ANKRD28: variants seen among roughly 807,000 people sequenced by gnomAD.
The protein encoded by ANKRD28 is serine/threonine-protein phosphatase 6 regulatory ankyrin repeat subunit A.
ANKRD28 carries 44 observed loss-of-function variants against 126.5 expected under a neutral mutation model. The observed-to-expected ratio is 0.35, with a 90% CI of 0.27 to 0.45. The LOEUF is 0.45. Among genes scored for constraint, ANKRD28 ranks in the 20% least tolerant of loss-of-function variants. ANKRD28 has a pLI of 1.00. For missense variants in ANKRD28, 1,110 were observed against 1,316.6 expected, an observed-to-expected ratio of 0.84 and a Z score of 2.43; for synonymous variants, 442 against 468.5, an observed-to-expected ratio of 0.94 and a Z score of 0.73.
chr3:15,726,558 G>C (rs1020370025), intron 6 of ANKRD28, among the ~76,000 whole-genome samples: 1 of 152,222 alleles, frequency 6.6e-6, no homozygotes, highest in Non-Finnish European at 1.5e-5. Context: ...GTTTAATCCA[G>C]CAAAGGTTGA....
In ANKRD28 at chr3:15,679,393, G is replaced by A. The variant is rs1559319902; in HGVS notation, c.2478-9C>T. The A allele has an allele frequency of 2.5e-6, 4 of 1,613,678 alleles. No individual in the cohort carries two copies. The highest frequency in any genetic ancestry group is 3.4e-6 in the Non-Finnish European group (4 of 1,179,626). ...CTTCGTTGTCATTTATCCTGTGTAA[G>A]GTAACAAGGTGATCATTCTCACAGC... On this transcript the variant is annotated splice_polypyrimidine_tract_variant and intron_variant, in intron 22 of 27. Coordinates refer to ENST00000683139, the MANE Select transcript of ANKRD28 (RefSeq NM_001349278.2).
At chr3:15,688,830 T>C (rs1020602953) in intron 18 of ANKRD28, among the ~76,000 whole-genome samples, 1 of 152,194 alleles carries the variant, frequency 6.6e-6, no homozygotes, top group Non-Finnish European at 1.5e-5. Context: ...AATATCACAA[T>C]ATGGAATAGT....
Position 15,762,387 on chromosome 3 carries a change from C to T in ANKRD28, c.280+3847G>A, listed in dbSNP as rs184519003. On this transcript the variant is annotated intron_variant, in intron 3 of 27. Coordinates refer to ENST00000683139, the MANE Select transcript of ANKRD28 (RefSeq NM_001349278.2). ...TCTGTTATCCATAAATTACAGGAGC[C>T]CTTACTATTTCCTCAGGGGAGCAAA... Among the ~76,000 whole-genome samples, 7 of 152,090 alleles carry T rather than the reference C, an allele frequency of 4.6e-5. No individual in the cohort carries two copies. In the East Asian group the frequency reaches 1.4e-3, roughly 29 times the overall value.
chr3:15,669,079 T>C lies in ANKRD28; in HGVS notation c.*1191A>G, dbSNP rs2066135458. The C allele has an allele frequency of 6.6e-6, 1 of 152,304 alleles. No individual in the cohort carries two copies. The highest frequency in any genetic ancestry group is 2.1e-4 in the South Asian group (1 of 4,834). The allele number at this position is 152,304 out of a possible 1,614,324, so 9.4% of individuals were successfully genotyped here. The stretch of plus-strand genomic sequence containing the variant: ...GCAGGCAACTGCTTCTCTCTCCAAA[T>C]AGTAACAGGTTACAAACATGCTACT... On this transcript the variant is annotated 3_prime_UTR_variant, in exon 28 of 28. Transcript: ENST00000683139.
chr3:15,735,294 A>G (rs951097075), intron 6 of ANKRD28, 116 bp downstream of exon 6: 1 of 816,760 alleles, frequency 1.2e-6, no homozygotes, highest in African/African-American at 1.8e-5. Context: ...TCAAACTCAG[A>G]TACTGTGTAG....
At chr3:15,693,002 AC>A (rs2069002267) in intron 17 of ANKRD28, among the ~76,000 whole-genome samples, 1 of 152,212 alleles carries the variant, frequency 6.6e-6, no homozygotes, top group African/African-American at 2.4e-5. Context: ...GTCACACAAC[AC>A]AAAAAAATAC....
intron 15 of ANKRD28, 128 bp downstream of exon 15, chr3:15,696,006 G>T: frequency 3.0e-6 from 2 of 672,216 alleles, no homozygotes; most frequent in South Asian, 1.7e-5. Context: ...AATTTAAGAG[G>T]TATATAAATT....
In ANKRD28 at chr3:15,814,380, A is replaced by G; in HGVS notation, c.28-19074T>C. On this transcript the variant is annotated intron_variant, in intron 1 of 27. Transcript: ENST00000399451. The surrounding 1 kb of genome is among the most constrained non-coding windows in gnomAD (Gnocchi z 4.7). ...GAAATTAAGGGCTATGTTATTTATA[A>G]ATAACTAGTACCTTAACAAAACATT... is the stretch of plus-strand genomic sequence containing the variant. 1.3e-6 allele frequency: 1 copy of G among 761,062 alleles called. No homozygotes were observed. The highest frequency in any genetic ancestry group is 1.8e-6 in the Non-Finnish European group (1 of 550,364). 47.1% of individuals were successfully genotyped at this position (761,062 alleles called of 1,614,324 possible). A position where few individuals can be genotyped will look rare whatever the true frequency, so the allele number is the denominator to read the frequency against.
chr3:15,715,325 C>T (rs894215333), intron 8 of ANKRD28, among the ~76,000 whole-genome samples: 4 of 152,218 alleles, frequency 2.6e-5, no homozygotes, highest in South Asian at 2.1e-4. Context: ...GCTTCCTAAT[C>T]TCACAGCAAC....
At chr3:15,716,471 A>G (rs1439822081) in intron 8 of ANKRD28, among the ~76,000 whole-genome samples, 2 of 151,020 alleles carry the variant, frequency 1.3e-5, no homozygotes, top group East Asian at 4.0e-4. Context: ...TATTTTTTGT[A>G]GAGATGGTCT....
chr3:15,674,561 T>C (rs1451444210), intron 27 of ANKRD28, among the ~76,000 whole-genome samples: 5 of 152,296 alleles, frequency 3.3e-5, no homozygotes, highest in South Asian at 2.1e-4. Flanking sequence ...CACGTGGATA[T>C]ATAGAGACTG....
At chr3:15,803,246 T>C (rs1339038406) in intron 1 of ANKRD28, among the ~76,000 whole-genome samples, 1 of 152,220 alleles carries the variant, frequency 6.6e-6, no homozygotes, top group Non-Finnish European at 1.5e-5. Flanking sequence ...GTCAAAGGAC[T>C]AGTTAGGAGA....
chr3:15,701,805 TTCAG>T (rs1223664450), intron 14 of ANKRD28, among the ~76,000 whole-genome samples: 1 of 152,188 alleles, frequency 6.6e-6, no homozygotes, highest in East Asian at 1.9e-4. Context: ...AAGGAAGTGT[TTCAG>T]TCAGTGTGTA....
At chr3:15,751,108 A>C (rs1025067079) in intron 4 of ANKRD28, among the ~76,000 whole-genome samples, 1 of 152,118 alleles carries the variant, frequency 6.6e-6, no homozygotes, top group Non-Finnish European at 1.5e-5. Flanking sequence ...TGAATCATTA[A>C]CTATATAGTT....
chr3:15,857,234 G>T (rs1160574167), intron 1 of ANKRD28, among the ~76,000 whole-genome samples: 1 of 152,154 alleles, frequency 6.6e-6, no homozygotes. Context: ...CAGTAGTTTA[G>T]AGGAAAACCT....
At chr3:15,713,702 C>T (rs2072625211) in intron 9 of ANKRD28, 61 bp from the exon 10 acceptor site, 1 of 1,065,948 alleles carries the variant, frequency 9.4e-7, no homozygotes, top group African/African-American at 1.6e-5. Context: ...AAACGTACTA[C>T]ATGAAAAGTA....
intron 17 of ANKRD28, among the ~76,000 whole-genome samples, chr3:15,690,599 C>G (rs1488434287): frequency 6.6e-6 from 1 of 152,108 alleles, no homozygotes; most frequent in Non-Finnish European, 1.5e-5. Context: ...GGGTCTTGCT[C>G]TGTTGCCCCA....
intron 10 of ANKRD28, among the ~76,000 whole-genome samples, chr3:15,713,141 T>C (rs187981726): frequency 6.6e-6 from 1 of 152,216 alleles, no homozygotes; most frequent in Non-Finnish European, 1.5e-5. Context: ...TCCCTGAGCT[T>C]GGCACAGCAC....
At chr3:15,740,996 C>T (rs1169898454) in intron 4 of ANKRD28, among the ~76,000 whole-genome samples, 2 of 152,146 alleles carry the variant, frequency 1.3e-5, no homozygotes, top group East Asian at 3.9e-4. Context: ...GTCAGGAGAT[C>T]AAGACCATCC....
Sources: allele counts gnomAD v4.1 joint callset (sites outside exome capture counted in the v4.1 genomes callset), GRCh38; gene constraint gnomAD v4.1.1; non-coding constraint Gnocchi (gnomAD v3.1); transcripts MANE v1.5; gene names NCBI Gene and HGNC (gene_info 2026-07-23, HGNC 2026-07-21).